PPP2R5C: variants seen among roughly 807,000 people sequenced by gnomAD.
PPP2R5C encodes the protein serine/threonine-protein phosphatase 2A 56 kDa regulatory subunit gamma isoform.
Under a neutral mutation model 68.9 loss-of-function variants are expected in PPP2R5C, and 7 were observed. The observed-to-expected ratio is 0.10, with a 90% CI of 0.06 to 0.19. The LOEUF (loss-of-function observed/expected upper bound fraction) is 0.19, where lower values mean the gene tolerates loss of function less well. Ranked by LOEUF, PPP2R5C falls within the 10% of genes least tolerant of loss-of-function variation. The probability of loss-of-function intolerance (pLI) is 1.00; values close to 1 mark genes in which losing one functional copy is unlikely to be tolerated. For missense variants in PPP2R5C, 348 were observed against 641.3 expected (o/e 0.54, Z 4.94); for synonymous variants, 210 against 222.2 (o/e 0.95, Z 0.49).
At chr14:101,852,918 A>G (rs917032244) in intron 1 of PPP2R5C, among the ~76,000 whole-genome samples, 1 of 152,098 alleles carries the variant, frequency 6.6e-6, no homozygotes, top group Non-Finnish European at 1.5e-5. Context: ...ATATTTGGAA[A>G]TTGTCTCAAA....
At chr14:101,829,412 A>G (rs760406154) in intron 1 of PPP2R5C, among the ~76,000 whole-genome samples, 7 of 152,046 alleles carry the variant, frequency 4.6e-5, no homozygotes, top group Non-Finnish European at 1.0e-4. Context: ...CTTACCAGGC[A>G]AGAAGGCCAA....
rs560559001 is a variant in PPP2R5C, at chr14:101,879,295, T to C, written c.295-2866T>C. Reference sequence around the variant, plus strand: ...TTCCTCTGTGGCATGTCTGTGACTCTTGGGCAGCAGGCCTCTTCCAGAGGG... The same window carrying C: ...TTCCTCTGTGGCATGTCTGTGACTCCTGGGCAGCAGGCCTCTTCCAGAGGG... On this transcript the variant is annotated intron_variant, in intron 2 of 13. Transcript: ENST00000334743. The surrounding 1 kb of genome is among the most constrained non-coding windows in gnomAD (Gnocchi z 4.2). 5.9e-5 allele frequency: 9 copies of C among 152,650 alleles called. No homozygotes were observed. Among genetic ancestry groups the C allele is most frequent in the African/African-American group, 2.2e-4 (9 of 41,578 alleles). The allele number at this position is 152,650 out of a possible 1,614,324, so 9.5% of individuals were successfully genotyped here. A position where few individuals can be genotyped will look rare whatever the true frequency, so the allele number is the denominator to read the frequency against.
rs374609765 is a variant in PPP2R5C, at chr14:101,796,059, G to C, written c.259+9876G>C. Among the ~76,000 whole-genome samples, 3 of 152,190 alleles carry C rather than the reference G, an allele frequency of 2.0e-5. No homozygotes were observed. In the East Asian group the frequency reaches 5.8e-4, roughly 29 times the overall value. On this transcript the variant is annotated intron_variant, in intron 3 of 14. Transcript: ENST00000328724. ...GCTGGTCTCGAACTCCTGGGCTCAA[G>C]TGATCCACCCACCTCCGCCTCCCAA...
At chr14:101,779,321 C>T (rs2037563822) in intron 2 of PPP2R5C, among the ~76,000 whole-genome samples, 2 of 152,136 alleles carry the variant, frequency 1.3e-5, no homozygotes, top group East Asian at 3.9e-4. Flanking sequence ...TAGAAGCAGA[C>T]ATGGGATTCC....
At chr14:101,804,454 G>T (rs1183067642) in intron 3 of PPP2R5C, among the ~76,000 whole-genome samples, 1 of 152,084 alleles carries the variant, frequency 6.6e-6, no homozygotes, top group East Asian at 1.9e-4. Context: ...CAATAGCTAA[G>T]GTTTGGAAGC....
intron 3 of PPP2R5C, among the ~76,000 whole-genome samples, chr14:101,798,538 C>G (rs61994030): frequency 0.19 from 28,388 of 152,146 alleles, 3,332 homozygotes; most frequent in African/African-American, 0.32. Flanking sequence ...AGGCTGAGGA[C>G]GGGGAGAATC....
chr14:101,791,696 C>G (rs191884894), intron 3 of PPP2R5C, among the ~76,000 whole-genome samples: 33 of 150,188 alleles, frequency 2.2e-4, no homozygotes, highest in African/African-American at 7.3e-4. Context: ...GTTCTTTTTT[C>G]AGTCTGCAGT....
chr14:101,893,224 CTT>C (rs2045075217), intron 7 of PPP2R5C, 116 bp downstream of exon 9: 1 of 630,124 alleles, frequency 1.6e-6, no homozygotes, highest in African/African-American at 1.9e-5. Context: ...CCTGTACTAA[CTT>C]TGGTAACAAA....
chr14:101,818,933 T>C, intron 1 of PPP2R5C: 2 of 1,311,272 alleles, frequency 1.5e-6, no homozygotes, highest in South Asian at 2.5e-5. Flanking sequence ...TCATGAGCAA[T>C]GTGTTCTAAT....
At chr14:101,887,015 G>A (rs766897205) in intron 5 of PPP2R5C, among the ~76,000 whole-genome samples, 51 of 152,218 alleles carry the variant, frequency 3.4e-4, no homozygotes, top group African/African-American at 1.1e-3. Context: ...GATTACAGGC[G>A]TGAGCCACCA....
chr14:101,911,134 C>T (rs1206878661), intron 11 of PPP2R5C, among the ~76,000 whole-genome samples: 3 of 149,636 alleles, frequency 2.0e-5, no homozygotes, highest in African/African-American at 5.0e-5. Context: ...AAAAATCAGC[C>T]GGGTGTGGTG....
chr14:101,900,342 C>G (rs2045605264), intron 8 of PPP2R5C, among the ~76,000 whole-genome samples: 1 of 152,194 alleles, frequency 6.6e-6, no homozygotes, highest in Admixed American at 6.5e-5. Context: ...GACTAAAAGG[C>G]TGGCCTGCTA....
At chr14:101,862,491 A>T (rs987247766) in intron 2 of PPP2R5C, among the ~76,000 whole-genome samples, 4 of 152,206 alleles carry the variant, frequency 2.6e-5, no homozygotes, top group African/African-American at 9.6e-5. Flanking sequence ...CCCCTCACTG[A>T]TAAGGTTTCA....
rs973050570 is a variant in PPP2R5C at position 101,913,031 on chromosome 14, C to T, written c.1326+558C>T. On this transcript the variant is annotated intron_variant, in intron 12 of 13. Coordinates refer to ENST00000334743, the Ensembl canonical transcript of PPP2R5C. This position sits in a 1 kb window ranked among gnomAD's most constrained non-coding sequence, Gnocchi z 4.1. Reference sequence around the variant, plus strand: ...GCTCTGGTGAGTCTGCGCCGATGGCCGGACGTCCCGGAGCTGCCGGCAGTT... The same window carrying T: ...GCTCTGGTGAGTCTGCGCCGATGGCTGGACGTCCCGGAGCTGCCGGCAGTT... Among the ~76,000 whole-genome samples, 1 of 152,188 alleles carries T rather than the reference C, an allele frequency of 6.6e-6. No homozygotes were observed. Among genetic ancestry groups the T allele is most frequent in the African/African-American group, 2.4e-5 (1 of 41,434 alleles).
chr14:101,823,502 A>T (rs773769160), intron 1 of PPP2R5C, among the ~76,000 whole-genome samples: 80 of 152,348 alleles, frequency 5.3e-4, no homozygotes, highest in Non-Finnish European at 8.2e-4. Flanking sequence ...TACCCAAATG[A>T]GAATAGAGAG....
chr14:101,916,044 G>A lies in PPP2R5C; in HGVS notation c.1327-1787G>A, dbSNP rs926167637. Among the ~76,000 whole-genome samples the A allele has an allele frequency of 5.3e-5, 8 of 152,286 alleles. No homozygotes were observed. In the East Asian group the frequency reaches 5.8e-4, roughly 11 times the overall value. On this transcript the variant is annotated intron_variant, in intron 12 of 13. Coordinates refer to ENST00000334743, the Ensembl canonical transcript of PPP2R5C. This position sits in a 1 kb window ranked among gnomAD's most constrained non-coding sequence, Gnocchi z 5.5. ...TGTCAGTTATGGGGTGGGCCGGTGC[G>A]ATCTGCTGAGAGGTGAGGGTGGAGA...
chr14:101,822,143 G>A lies in PPP2R5C; in HGVS notation c.94+12107G>A, dbSNP rs553073917. The stretch of plus-strand genomic sequence containing the variant: ...ACATCAAATCATACAGGAATCTGGC[G>A]CTATCAGAGCCAGGGTTAAGGCCTA... On this transcript the variant is annotated intron_variant, in intron 1 of 13. Transcript: ENST00000334743. Among the ~76,000 whole-genome samples, 104 of 143,844 alleles carry A rather than the reference G, an allele frequency of 7.2e-4. 1 individual carries two copies. Among genetic ancestry groups the A allele is most frequent in the African/African-American group, 2.6e-3 (98 of 38,040 alleles). 94.4% of individuals were successfully genotyped at this position (143,844 alleles called of 152,430 possible).
At chr14:101,859,640 G>A (rs952279035) in intron 2 of PPP2R5C, among the ~76,000 whole-genome samples, 1 of 152,196 alleles carries the variant, frequency 6.6e-6, no homozygotes, top group Non-Finnish European at 1.5e-5. Context: ...AGGCGGTGGG[G>A]TGGTGCCTGG....
chr14:101,850,040 G>A (rs2042060636), intron 1 of PPP2R5C, among the ~76,000 whole-genome samples: 1 of 152,232 alleles, frequency 6.6e-6, no homozygotes, highest in African/African-American at 2.4e-5. Context: ...AATATGGATT[G>A]GGATAGCATT....
Sources: allele counts gnomAD v4.1 joint callset (sites outside exome capture counted in the v4.1 genomes callset), GRCh38; gene constraint gnomAD v4.1.1; non-coding constraint Gnocchi (gnomAD v3.1); transcripts MANE v1.5; gene names NCBI Gene and HGNC (gene_info 2026-07-23, HGNC 2026-07-21).